The following ITGAL variants were observed in gnomAD, a reference collection of about 807,000 sequenced individuals.
ITGAL encodes the protein integrin alpha-L.
Under a neutral mutation model 138.4 loss-of-function variants are expected in ITGAL, and 68 were observed. The ratio of observed to expected loss-of-function variants is 0.49; its 90% CI spans 0.40 to 0.60. The LOEUF (loss-of-function observed/expected upper bound fraction) is 0.60. Among genes scored for constraint, ITGAL ranks in the 20% least tolerant of loss-of-function variants. ITGAL has a pLI of 0.00. For missense variants in ITGAL, 1,256 were observed against 1,478.6 expected (o/e 0.85, Z 2.47); for synonymous variants, 561 against 584.3 (o/e 0.96, Z 0.57).
At chr16:30,479,011 C>T (rs1455086785) in intron 4 of ITGAL, 80 bp from the exon 5 acceptor site, 14 of 1,016,892 alleles carry the variant, frequency 1.4e-5, no homozygotes, top group African/African-American at 9.5e-5. Context: ...GGACTCTGAA[C>T]GTTCCTAGTT....
chr16:30,476,757 G>A (rs1345905677), intron 4 of ITGAL, among the ~76,000 whole-genome samples: 5 of 151,392 alleles, frequency 3.3e-5, no homozygotes, highest in African/African-American at 7.3e-5. Context: ...CTCAGCCTCC[G>A]GAGTAGCTGG....
At chr16:30,499,733 A>ATATTTTTT in intron 17 of ITGAL, among the ~76,000 whole-genome samples, 3 of 88,368 alleles carry the variant, frequency 3.4e-5, no homozygotes, top group African/African-American at 1.8e-4. Flanking sequence ...ATATATATAT[A>ATATTTTTT]TTTTTTTTTT....
intron 7 of ITGAL, 28 bp from the exon 8 acceptor site, chr16:30,483,799 C>A: frequency 1.9e-6 from 3 of 1,586,492 alleles, no homozygotes; most frequent in Non-Finnish European, 1.7e-6. Flanking sequence ...TTGGGGGAGT[C>A]TCTCATCTCC....
intron 17 of ITGAL, among the ~76,000 whole-genome samples, chr16:30,499,734 T>TGTGTATATATATATATATATATA (rs71149033): frequency 1.6e-4 from 12 of 76,618 alleles, no homozygotes; most frequent in Middle Eastern, 7.6e-3. Flanking sequence ...TATATATATA[T>TGTGTATATATATATATATATATA]TTTTTTTTTT....
chr16:30,509,191 AAGAG>A lies in ITGAL; in HGVS notation c.2509-1156_2509-1153del, dbSNP rs1240236042. ...GACTCCATCTCAAAAAAAAAAAAAA[AAGAG>A]AGAGAGAGAGAGAAAATAACTGGAG... is the stretch of plus-strand genomic sequence containing the variant. On this transcript the variant is annotated intron_variant, in intron 21 of 30. Coordinates refer to ENST00000356798, the MANE Select transcript of ITGAL (RefSeq NM_002209.3). Among the ~76,000 whole-genome samples the A allele has an allele frequency of 6.0e-3, 898 of 149,954 alleles. 5 individuals carry two copies. Among genetic ancestry groups the A allele is most frequent in the Non-Finnish European group, 7.8e-3 (523 of 67,448 alleles).
chr16:30,497,298 G>A (rs1389938186), intron 15 of ITGAL, among the ~76,000 whole-genome samples: 4 of 151,014 alleles, frequency 2.6e-5, no homozygotes, highest in East Asian at 2.0e-4. Context: ...AGCCGAGATC[G>A]CGCCCCTGCA....
At chr16:30,515,833 G>T (rs916518087) in intron 25 of ITGAL, among the ~76,000 whole-genome samples, 1 of 152,158 alleles carries the variant, frequency 6.6e-6, no homozygotes, top group Admixed American at 6.6e-5. Flanking sequence ...TTAGCTAGGT[G>T]TGGTGGTGTG....
chr16:30,506,649 C>T, intron 20 of ITGAL, 66 bp from the exon 21 acceptor site: 1 of 1,229,002 alleles, frequency 8.1e-7, no homozygotes, highest in South Asian at 1.4e-5. Context: ...CCCACCAGAT[C>T]CCTCAGTTCT....
At chr16:30,508,929 T>C (rs1464625089) in intron 21 of ITGAL, among the ~76,000 whole-genome samples, 1 of 150,334 alleles carries the variant, frequency 6.7e-6, no homozygotes, top group Non-Finnish European at 1.5e-5. Context: ...GTAATCCCAG[T>C]ACTTTGGGAG....
At chr16:30,496,364 C>T in intron 14 of ITGAL, 70 bp downstream of exon 14, 3 of 1,609,840 alleles carry the variant, frequency 1.9e-6, no homozygotes, top group Non-Finnish European at 2.6e-6. Context: ...AGACCCCACT[C>T]CCCAGCCCGA....
intron 11 of ITGAL, among the ~76,000 whole-genome samples, chr16:30,493,528 G>C (rs1033917832): frequency 2.8e-4 from 42 of 151,892 alleles, no homozygotes; most frequent in Admixed American, 5.3e-4. Context: ...CACCTGCCTC[G>C]GCCTCCCAAA....
intron 11 of ITGAL, among the ~76,000 whole-genome samples, chr16:30,492,154 G>A (rs930335818): frequency 5.9e-5 from 9 of 152,046 alleles, no homozygotes; most frequent in African/African-American, 1.2e-4. Context: ...GTGTTTCCTC[G>A]AACATTCAAT....
Position 30,499,476 on chromosome 16 carries a change from C to A in ITGAL, c.2132C>A (p.Ser711Ter), listed in dbSNP as rs1483433675. ...VTTSMSCTDF[S>*]FHFPVCVQDL... is the part of the protein sequence containing the mutation. ...ACCAGCATGTCATGCACTGACTTCT[C>A]ATTTCATTTCCCGGTAAGGGAGCCA... Residue 711 changes from serine (S) to a stop codon, truncating the protein, a stop_gained, in exon 17 of 31, where the codon TCA becomes TAA. Transcript: ENST00000356798. LOFTEE classifies it high-confidence loss of function. 1 of 1,613,668 alleles carries A rather than the reference C, an allele frequency of 6.2e-7. No homozygotes were observed. Among genetic ancestry groups the A allele is most frequent in the Admixed American group, 1.7e-5 (1 of 59,924 alleles).
chr16:30,513,345 G>A (rs1567489254), intron 24 of ITGAL, among the ~76,000 whole-genome samples: 1 of 152,330 alleles, frequency 6.6e-6, no homozygotes, highest in Admixed American at 6.5e-5. Flanking sequence ...CGCAGTAGGG[G>A]GCCGTTGGCC....
intron 11 of ITGAL, among the ~76,000 whole-genome samples, chr16:30,493,609 G>A (rs1054127685): frequency 2.0e-5 from 3 of 152,096 alleles, no homozygotes; most frequent in African/African-American, 7.2e-5. Context: ...GAAAAAAGAG[G>A]CCGGGCACAG....
chr16:30,512,604 A>G (rs2051106555), intron 24 of ITGAL, among the ~76,000 whole-genome samples: 1 of 151,762 alleles, frequency 6.6e-6, no homozygotes, highest in African/African-American at 2.4e-5. Flanking sequence ...AAAAAAAGGA[A>G]ACTCAAAATC....
chr16:30,480,499 C>G (rs2050537865), intron 6 of ITGAL: 1 of 152,150 alleles, frequency 6.6e-6, no homozygotes, highest in African/African-American at 2.4e-5. Flanking sequence ...TCTAGTTAAG[C>G]AGCGTCACTC....
intron 24 of ITGAL, among the ~76,000 whole-genome samples, chr16:30,513,558 G>T (rs925010879): frequency 1.3e-5 from 2 of 152,188 alleles, no homozygotes; most frequent in African/African-American, 4.8e-5. Context: ...ACTTCCCTGG[G>T]CTCCAGTCCT....
chr16:30,508,488 C>T lies in ITGAL; in HGVS notation c.2508+1632C>T, dbSNP rs142818197. Reference sequence around the variant, plus strand: ...TTGGCCTCCCAAAGTGCTGGGATTACAGGCGTGAGCCACTGCACCCAACCG... The same window carrying T: ...TTGGCCTCCCAAAGTGCTGGGATTATAGGCGTGAGCCACTGCACCCAACCG... On this transcript the variant is annotated intron_variant, in intron 21 of 30. Transcript: ENST00000356798. 8.2e-4 allele frequency among the ~76,000 whole-genome samples: 125 copies of T among 152,304 alleles called. 2 individuals are homozygous for T. In the East Asian group the frequency reaches 0.023, roughly 27 times the overall value.
Sources: allele counts gnomAD v4.1 joint callset (sites outside exome capture counted in the v4.1 genomes callset), GRCh38; gene constraint gnomAD v4.1.1; transcripts MANE v1.5; gene names NCBI Gene and HGNC (gene_info 2026-07-23, HGNC 2026-07-21).